APOL2: variants seen among roughly 807,000 people sequenced by gnomAD.
APOL2 encodes apolipoprotein L, 2.
A neutral mutation model predicts 7.1 loss-of-function variants in APOL2; 8 were observed. That is an observed-to-expected ratio of 1.12 (90% CI 0.66 to 2.03). The LOEUF is 2.03. Ranked by LOEUF, APOL2 falls within the 30% of genes most tolerant of loss-of-function variation. The pLI is 0.00. For missense variants in APOL2, 471 were observed against 415.1 expected (o/e 1.13, Z -1.17); for synonymous variants, 177 against 159.9 (o/e 1.11, Z -0.81).
chr22:36,226,783 C>T lies in APOL2; in HGVS notation c.*621G>A, dbSNP rs1236553040. On this transcript the variant is annotated 3_prime_UTR_variant, in exon 5 of 5. Transcript: ENST00000358502. The stretch of plus-strand genomic sequence containing the variant: ...TTCTCATTGCTGGTTCCTGCAAGCT[C>T]CCCCTCTATTCTTCGCCCAATATAT... The T allele has an allele frequency of 8.3e-6, 1 of 120,040 alleles. No homozygotes were observed. The highest frequency in any genetic ancestry group is 5.0e-5 in the African/African-American group (1 of 19,994). 7.4% of individuals were successfully genotyped at this position (120,040 alleles called of 1,614,324 possible).
At chr22:36,239,092 A>C in intron 1 of APOL2, 1 of 1,118,418 alleles carries the variant, frequency 8.9e-7, no homozygotes, top group East Asian at 4.8e-5. Context: ...ACCTTCTTTG[A>C]TTCCTTCAAA....
chr22:36,233,051 C>T (rs1468174680), intron 3 of APOL2, 102 bp downstream of exon 3: 6 of 1,220,946 alleles, frequency 4.9e-6, no homozygotes, highest in Non-Finnish European at 4.8e-6. Context: ...CATTGGCCTC[C>T]TAGTCCATCT....
intron 4 of APOL2, among the ~76,000 whole-genome samples, 157 bp downstream of exon 4, chr22:36,231,183 T>C (rs905549068): frequency 1.3e-5 from 2 of 152,332 alleles, no homozygotes; most frequent in Admixed American, 1.3e-4. Context: ...GCGAAGGACA[T>C]GGAGGAAATA....
rs141853160 is a variant in APOL2 at position 36,228,120 on chromosome 22, G to C, written c.298C>G (p.Arg100Gly). The C allele has an allele frequency of 1.3e-5, 21 of 1,614,216 alleles. No homozygotes were observed. In the African/African-American group the frequency reaches 2.0e-4, roughly 15 times the overall value. ...TGCTCAACCTCCTCTGCAAGGGCAC[G>C]GAGCTTCCTTATGTGATCCTCAAGC... is the stretch of plus-strand genomic sequence containing the variant. The part of the protein sequence containing the change: ...RELEDHIRKL[R>G]ALAEEVEQVH... Residue 100 changes from arginine to glycine, a missense_variant, in exon 5 of 5, where the codon CGT becomes GGT. Physicochemically the swap from Arg to Gly is moderately radical, Grantham distance 125. Transcript: ENST00000358502.
In APOL2 at chr22:36,228,158, C is replaced by T. The variant is rs760928601; in HGVS notation, c.260G>A (p.Arg87Gln). ...GTGATCCTCAAGCTCCCTTTTCAAC[C>T]GAGGAAACTCTTTCAAAAACCACTG... is the stretch of plus-strand genomic sequence containing the variant. ...HRQWFLKEFP[R>Q]LKRELEDHIR... The change falls in exon 5 of 5, where the codon CGG becomes CAG. Residue 87 changes from arginine to glutamine, a missense_variant. Physicochemically the swap from Arg to Gln is conservative, Grantham distance 43. Coordinates refer to ENST00000358502, the MANE Select transcript of APOL2 (RefSeq NM_030882.4). 15 of 1,614,190 alleles carry T rather than the reference C, an allele frequency of 9.3e-6. No individual in the cohort carries two copies. The East Asian group carries it at 1.8e-4, about 19-fold the overall frequency.
chr22:36,239,473 G>A lies in APOL2; in HGVS notation c.-166C>T, dbSNP rs1329271126. The A allele has an allele frequency of 1.9e-6, 3 of 1,578,964 alleles. No homozygotes were observed. Among genetic ancestry groups the A allele is most frequent in the Non-Finnish European group, 2.6e-6 (3 of 1,169,240 alleles). On this transcript the variant is annotated 5_prime_UTR_variant, in exon 1 of 5. Coordinates refer to ENST00000358502, the MANE Select transcript of APOL2 (RefSeq NM_030882.4). ...TCTTCCTCTGACAGAGACTGAGCAAGATCCAACTGTTCTGAGCTGTGTGGA... is the reference window on the plus strand; with the variant it reads ...TCTTCCTCTGACAGAGACTGAGCAAAATCCAACTGTTCTGAGCTGTGTGGA...
In APOL2 at chr22:36,233,396, A is replaced by G. The variant is rs1432578220; in HGVS notation, c.-80+6T>C. 7.1e-6 allele frequency: 11 copies of G among 1,552,738 alleles called. No homozygotes were observed. In the East Asian group the frequency reaches 2.7e-4, roughly 38 times the overall value. On this transcript the variant is annotated splice_donor_region_variant and intron_variant, in intron 2 of 4. Transcript: ENST00000358502. ...GCCCTGCCAGCTAGTATTTACAGAAACTCACCTCGTTCCAGCTTCCTCTTC... is the reference window on the plus strand; with the variant it reads ...GCCCTGCCAGCTAGTATTTACAGAAGCTCACCTCGTTCCAGCTTCCTCTTC...
Position 36,231,406 on chromosome 22 carries a change from TTC to T in APOL2, c.69_70del (p.Asn24SerfsTer7), listed in dbSNP as rs753461601. ...ATCATCAGTCAGCAGTTGTAGCAGA[TTC>T]TCTCTGCTCACTTGGTCCTGGAAAT... On this transcript the variant is annotated frameshift_variant, in exon 4 of 5. Transcript: ENST00000358502. LOFTEE classifies it high-confidence loss of function. 5.3e-5 allele frequency: 85 copies of T among 1,613,978 alleles called. No individual in the cohort carries two copies. The highest frequency in any genetic ancestry group is 6.5e-5 in the Non-Finnish European group (77 of 1,179,918).
intron 1 of APOL2, chr22:36,237,231 A>G: frequency 1.5e-6 from 2 of 1,375,472 alleles, no homozygotes; most frequent in Non-Finnish European, 9.5e-7. Context: ...AGGCTGGTCA[A>G]TTCCGGTGTC....
chr22:36,228,302 G>A (rs1209950437), intron 4 of APOL2, 22 bp from the exon 5 acceptor site: 6 of 1,592,830 alleles, frequency 3.8e-6, no homozygotes, highest in Admixed American at 3.5e-5. Context: ...AAGGTTAAAG[G>A]ATTAAGAAAT....
At position 36,231,336 on chromosome 22, in the gene APOL2, T is replaced by G; in HGVS notation, c.137+4A>C. ...CCCCATGGAGTTAACCCCATGGAGCTTACCTGGGCAGTTCAGCAGCAGCCA... is the reference window on the plus strand; with the variant it reads ...CCCCATGGAGTTAACCCCATGGAGCGTACCTGGGCAGTTCAGCAGCAGCCA... On this transcript the variant is annotated splice_donor_region_variant and intron_variant, in intron 4 of 4. Coordinates refer to ENST00000358502, the MANE Select transcript of APOL2 (RefSeq NM_030882.4). 1.2e-6 allele frequency: 2 copies of G among 1,613,878 alleles called. No individual in the cohort carries two copies. The highest frequency in any genetic ancestry group is 1.7e-6 in the Non-Finnish European group (2 of 1,179,784).
At chr22:36,237,058 G>A in intron 1 of APOL2, 1 of 1,504,462 alleles carries the variant, frequency 6.6e-7, no homozygotes, top group Non-Finnish European at 8.9e-7. Flanking sequence ...TGGGGCCTCG[G>A]ACCTGCCCAA....
At chr22:36,228,345 C>T (rs555127468) in intron 4 of APOL2, 65 bp from the exon 5 acceptor site, 360 of 1,536,998 alleles carry the variant, frequency 2.3e-4, no homozygotes, top group Middle Eastern at 6.6e-4. Context: ...GAGCTCCATG[C>T]GATCTCTATC....
rs1437600985 is a variant in APOL2 at position 36,239,481 on chromosome 22, T to C, written c.-174A>G. 8 of 1,582,350 alleles carry C rather than the reference T, an allele frequency of 5.1e-6. No individual in the cohort carries two copies. Among genetic ancestry groups the C allele is most frequent in the Middle Eastern group, 1.6e-4 (1 of 6,062 alleles). On this transcript the variant is annotated 5_prime_UTR_variant, in exon 1 of 5. Coordinates refer to ENST00000358502, the MANE Select transcript of APOL2 (RefSeq NM_030882.4). The stretch of plus-strand genomic sequence containing the variant: ...TGACAGAGACTGAGCAAGATCCAAC[T>C]GTTCTGAGCTGTGTGGATCCCACGT...
chr22:36,238,420 A>G (rs2015483428), intron 1 of APOL2, among the ~76,000 whole-genome samples: 2 of 152,116 alleles, frequency 1.3e-5, no homozygotes, highest in Non-Finnish European at 2.9e-5. Context: ...CAGCTCTATC[A>G]AGTTTTTTAG....
chr22:36,236,439 T>A (rs531929202), intron 1 of APOL2, among the ~76,000 whole-genome samples: 6 of 152,254 alleles, frequency 3.9e-5, no homozygotes, highest in African/African-American at 1.4e-4. Flanking sequence ...ATAAAACTGG[T>A]GATACAATAT....
chr22:36,237,951 C>A (rs2015467240), intron 1 of APOL2, among the ~76,000 whole-genome samples: 1 of 152,182 alleles, frequency 6.6e-6, no homozygotes, highest in South Asian at 2.1e-4. Flanking sequence ...ATGTCCCCCC[C>A]ACTGTCCCCA....
At chr22:36,238,159 C>A (rs925744762) in intron 1 of APOL2, among the ~76,000 whole-genome samples, 2 of 152,186 alleles carry the variant, frequency 1.3e-5, no homozygotes, top group Non-Finnish European at 1.5e-5. Flanking sequence ...GCTGCACCCC[C>A]TACGACTGAC....
In APOL2 at chr22:36,228,097, C is replaced by T; in HGVS notation, c.321G>A (p.Glu107=). ...RKLRALAEEV[E]QVHRGTTIAN... is the part of the protein sequence containing the mutation. The stretch of plus-strand genomic sequence containing the variant: ...CAATGGTGGTGCCTCTGTGGACCTG[C>T]TCAACCTCCTCTGCAAGGGCACGGA... Residue 107 remains glutamate, a synonymous_variant, in exon 5 of 5, where the codon GAG becomes GAA. Transcript: ENST00000358502. The T allele has an allele frequency of 6.2e-7, 1 of 1,614,228 alleles. No individual in the cohort carries two copies. Among genetic ancestry groups the T allele is most frequent in the African/African-American group, 1.3e-5 (1 of 75,052 alleles).
Sources: gnomAD v4.1 joint callset for allele counts (sites outside exome capture counted in the v4.1 genomes callset) on GRCh38, gnomAD v4.1.1 for gene constraint, MANE v1.5 for transcripts, NCBI Gene and HGNC (gene_info 2026-07-23, HGNC 2026-07-21) for gene names.